Variants in PCDHA9 observed in about 807,000 individuals in gnomAD.
The protein encoded by PCDHA9 is protocadherin alpha-9.
In PCDHA9, 62 loss-of-function variants were observed where a neutral mutation model predicts 62.0. That is an observed-to-expected ratio of 1.00 (90% confidence interval 0.81 to 1.23). The LOEUF (loss-of-function observed/expected upper bound fraction) is 1.23. PCDHA9 is among the 50% of genes most tolerant of loss of function. The pLI is 0.00. For synonymous variants in PCDHA9, 557 were observed against 567.6 expected (o/e 0.98, Z 0.27); for missense variants, 1,205 against 1,249.8 (o/e 0.96, Z 0.54).
intron 1 of PCDHA9, chr5:140,869,509 A>T (rs199564677): frequency 3.1e-6 from 5 of 1,614,206 alleles, no homozygotes; most frequent in Non-Finnish European, 3.4e-6. Context: ...GTTCTCGCTC[A>T]GAGAACAAAA....
At chr5:140,897,307 A>G (rs2065987327) in intron 1 of PCDHA9, among the ~76,000 whole-genome samples, 2 of 148,058 alleles carry the variant, frequency 1.4e-5, no homozygotes, top group African/African-American at 2.5e-5. Context: ...AGCATTAGGT[A>G]TATCTCCTAA....
intron 1 of PCDHA9, among the ~76,000 whole-genome samples, chr5:140,937,106 C>G (rs2091337574): frequency 6.7e-6 from 1 of 149,110 alleles, no homozygotes; most frequent in African/African-American, 2.5e-5. Context: ...GGCGCAGTCT[C>G]GGCTCACTGC....
chr5:140,862,343 A>G (rs1347322739), intron 1 of PCDHA9: 1 of 331,934 alleles, frequency 3.0e-6, no homozygotes, highest in Non-Finnish European at 5.9e-6. Flanking sequence ...CCCTAACTTC[A>G]GTGCCAAGGG....
chr5:140,876,764 G>A (rs1562718507), intron 1 of PCDHA9: 3 of 1,614,220 alleles, frequency 1.9e-6, no homozygotes, highest in Non-Finnish European at 2.5e-6. Context: ...CGGGATGGGG[G>A]CTCGCCTTCG....
chr5:140,923,468 G>A (rs2081380588), intron 1 of PCDHA9, among the ~76,000 whole-genome samples: 1 of 152,098 alleles, frequency 6.6e-6, no homozygotes, highest in Admixed American at 6.5e-5. Context: ...GGTAGGGGCT[G>A]CAGTGAGCCA....
chr5:140,958,385 A>C (rs2095421525), intron 1 of PCDHA9, among the ~76,000 whole-genome samples: 1 of 152,206 alleles, frequency 6.6e-6, no homozygotes, highest in African/African-American at 2.4e-5. Flanking sequence ...TTTTCTTAAC[A>C]GGTCATCAAA....
chr5:140,877,531 G>C, intron 1 of PCDHA9: 1 of 1,613,792 alleles, frequency 6.2e-7, no homozygotes, highest in Non-Finnish European at 8.5e-7. Context: ...AGTGGGCGCT[G>C]TGGATCCCGA....
intron 3 of PCDHA9, among the ~76,000 whole-genome samples, chr5:141,003,288 T>C (rs2098118136): frequency 2.0e-5 from 3 of 152,182 alleles, no homozygotes; most frequent in African/African-American, 7.2e-5. Context: ...AATTGGATTA[T>C]AGGATTACAT....
chr5:140,987,398 A>G (rs935672912), intron 3 of PCDHA9, among the ~76,000 whole-genome samples: 4 of 152,140 alleles, frequency 2.6e-5, no homozygotes, highest in African/African-American at 9.7e-5. Context: ...CAAGGAAGCC[A>G]TCTGTTTATG....
Position 140,923,530 on chromosome 5 carries a change from A to G in PCDHA9, c.2395-55419A>G, listed in dbSNP as rs115719485. On this transcript the variant is annotated intron_variant, in intron 1 of 3. Coordinates refer to ENST00000532602, the MANE Select transcript of PCDHA9 (RefSeq NM_031857.2). ...GATGATGAAGTGAGATTCTGTCCCAAAAAAAGGACAAAATGAAATATCAGC... is the reference window on the plus strand; with the variant it reads ...GATGATGAAGTGAGATTCTGTCCCAGAAAAAGGACAAAATGAAATATCAGC... Among the ~76,000 whole-genome samples, 836 of 152,264 alleles carry G rather than the reference A, an allele frequency of 5.5e-3. 5 individuals carry two copies. The highest frequency in any genetic ancestry group is 0.019 in the African/African-American group (794 of 41,534).
chr5:140,857,032 T>C, intron 1 of PCDHA9: 2 of 1,595,838 alleles, frequency 1.3e-6, no homozygotes, highest in Non-Finnish European at 1.7e-6. Context: ...GAAACCCACC[T>C]ATGGTTGGTC....
At chr5:140,860,253 G>C (rs1278193259) in intron 1 of PCDHA9, 1 of 151,492 alleles carries the variant, frequency 6.6e-6, no homozygotes, top group Non-Finnish European at 1.5e-5. Flanking sequence ...CATGCCTTTA[G>C]TCCCTACTGT....
intron 1 of PCDHA9, chr5:140,871,553 G>GT (rs555355563): frequency 9.2e-4 from 1,372 of 1,491,042 alleles, no homozygotes; most frequent in South Asian, 9.1e-4. Flanking sequence ...TTAAAATCCA[G>GT]TTTTTTTTCA....
chr5:140,982,483 A>G lies in PCDHA9; in HGVS notation c.2462A>G (p.His821Arg). Residue 821 changes from histidine (H) to arginine (R), a missense_variant, in exon 3 of 4, where the codon CAC (histidine) becomes CGC (arginine). His to Arg is a conservative substitution (Grantham distance 29, BLOSUM62 0). This residue lies in a region of PCDHA9 where 887 missense variants were observed against 809.5 expected (regional missense o/e 1.10). Transcript: ENST00000532602. ...SLRAGMHSSV[H>R]LEEAGILRAG... ...TCTGTGTGTTTATTCAGCTCTGTGC[A>G]CCTAGAGGAGGCTGGCATTCTACGG... The G allele has an allele frequency of 1.2e-6, 2 of 1,614,142 alleles. No homozygotes were observed. Among genetic ancestry groups the G allele is most frequent in the Non-Finnish European group, 1.7e-6 (2 of 1,180,016 alleles).
At position 140,962,458 on chromosome 5, in the gene PCDHA9, G is replaced by A. The variant is rs535139362; in HGVS notation, c.2395-16491G>A. ...CCAAAGATGGCTTGAATCTCTTATG[G>A]CTTGAATCTCTTTGTTTATTCTAAG... On this transcript the variant is annotated intron_variant, in intron 1 of 3. Transcript: ENST00000532602. Among the ~76,000 whole-genome samples, 222 of 152,088 alleles carry A rather than the reference G, an allele frequency of 1.5e-3. 9 individuals carry two copies. In the South Asian group the frequency reaches 0.044, roughly 30 times the overall value.
chr5:140,972,583 T>G (rs1445659828), intron 1 of PCDHA9, among the ~76,000 whole-genome samples: 1 of 152,088 alleles, frequency 6.6e-6, no homozygotes, highest in African/African-American at 2.4e-5. Flanking sequence ...TAGGGCAGAA[T>G]TTCTCTTTGG....
At chr5:140,868,887 G>A in intron 1 of PCDHA9, 1 of 740,170 alleles carries the variant, frequency 1.4e-6, no homozygotes, top group Admixed American at 3.1e-5. Context: ...CACAGTTTTA[G>A]GCGCAAGGTG....
At chr5:140,873,867 G>A (rs2054538446) in intron 1 of PCDHA9, among the ~76,000 whole-genome samples, 1 of 152,098 alleles carries the variant, frequency 6.6e-6, no homozygotes, top group Non-Finnish European at 1.5e-5. Flanking sequence ...CACCATGTTG[G>A]CCAGGCTGGT....
chr5:140,928,875 T>C (rs781860300), intron 1 of PCDHA9: 1 of 1,614,184 alleles, frequency 6.2e-7, no homozygotes, highest in Non-Finnish European at 8.5e-7. Context: ...ACTCTGTCCC[T>C]CAGTTACTTC....
Sources: gnomAD v4.1 joint callset for allele counts (sites outside exome capture counted in the v4.1 genomes callset) on GRCh38, gnomAD v4.1.1 for gene constraint, gnomAD v4.1.1 regional missense constraint, MANE v1.5 for transcripts, NCBI Gene and HGNC (gene_info 2026-07-23, HGNC 2026-07-21) for gene names.